CCDC63: variants seen among roughly 807,000 people sequenced by gnomAD.
The protein encoded by CCDC63 is coiled-coil domain containing 63.
CCDC63 carries 54 observed loss-of-function variants against 63.6 expected under a neutral mutation model. The ratio of observed to expected loss-of-function variants is 0.85; its 90% confidence interval spans 0.68 to 1.07. The LOEUF (loss-of-function observed/expected upper bound fraction) is 1.07, where lower values mean the gene tolerates loss of function less well. Among genes scored for constraint, CCDC63 ranks in the 50% least tolerant of loss-of-function variants. The pLI, the probability that CCDC63 is intolerant of heterozygous loss-of-function variation, is 0.00. For missense variants in CCDC63, 637 were observed against 689.6 expected, an observed-to-expected ratio of 0.92 and a Z score of 0.86; for synonymous variants, 253 against 266.1, an observed-to-expected ratio of 0.95 and a Z score of 0.48.
chr12:110,899,049 C>T lies in CCDC63; in HGVS notation c.1266C>T (p.Asn422=), dbSNP rs2071450925. ...NSVEKLFKKI[N]CDATKILVQL... is the part of the protein sequence containing the mutation. Reference sequence around the variant, plus strand: ...TGGAGAAACTGTTCAAGAAGATAAACTGTGACGCCACCAAGATCCTGGTGC... The same window carrying T: ...TGGAGAAACTGTTCAAGAAGATAAATTGTGACGCCACCAAGATCCTGGTGC... Residue 422 remains asparagine (N), a synonymous_variant, in exon 10 of 12, where the codon AAC becomes AAT. Transcript: ENST00000308208. 6.2e-7 allele frequency: 1 copy of T among 1,613,800 alleles called. No homozygotes were observed. Among genetic ancestry groups the T allele is most frequent in the African/African-American group, 1.3e-5 (1 of 75,014 alleles).
chr12:110,853,566 G>T lies in CCDC63; in HGVS notation c.171G>T (p.Ala57=). 2 of 1,614,196 alleles carry T rather than the reference G, an allele frequency of 1.2e-6. No individual in the cohort carries two copies. Among genetic ancestry groups the T allele is most frequent in the African/African-American group, 2.7e-5 (2 of 75,054 alleles). The change falls in exon 3 of 12, where the codon GCG becomes GCT. Residue 57 remains alanine (A), a synonymous_variant. Coordinates refer to ENST00000308208, the MANE Select transcript of CCDC63 (RefSeq NM_152591.3). ...SFKFRNQQKI[A]SQYKEIKTLK... ...AGTTCCGAAACCAGCAGAAGATTGC[G>T]AGTCAGTAGTAAGTGATGGTTGGAG... is the stretch of plus-strand genomic sequence containing the variant.
intron 11 of CCDC63, among the ~76,000 whole-genome samples, chr12:110,905,685 TG>T (rs2071550690): frequency 6.6e-6 from 1 of 150,478 alleles, no homozygotes; most frequent in Non-Finnish European, 1.5e-5. Context: ...AAGATGCCCT[TG>T]ATATTAAGAC....
rs749992228 is a variant in CCDC63, at chr12:110,907,440, G to A, written c.1656G>A (p.Val552=). The change falls in exon 12 of 12, where the codon GTG becomes GTA. Residue 552 remains valine, a synonymous_variant. Coordinates refer to ENST00000308208, the MANE Select transcript of CCDC63 (RefSeq NM_152591.3). The surrounding 1 kb of genome is among the most constrained non-coding windows in gnomAD (Gnocchi z 4.4). ...EVRGDSLPEK[V]DDFRSRKKVT... ...GCGGAGACAGCCTGCCTGAGAAGGT[G>A]GATGACTTCAGATCCAGGAAGAAAG... 6.8e-6 allele frequency: 11 copies of A among 1,614,062 alleles called. No individual in the cohort carries two copies. Among genetic ancestry groups the A allele is most frequent in the Admixed American group, 5.0e-5 (3 of 60,006 alleles).
chr12:110,892,162 C>T (rs2136723235), intron 8 of CCDC63, among the ~76,000 whole-genome samples: 1 of 152,314 alleles, frequency 6.6e-6, no homozygotes, highest in African/African-American at 2.4e-5. Context: ...TGAGAGTATG[C>T]TCAGGTTTGA....
At chr12:110,881,786 C>T (rs1182219411) in intron 7 of CCDC63, among the ~76,000 whole-genome samples, 2 of 152,054 alleles carry the variant, frequency 1.3e-5, no homozygotes, top group East Asian at 1.9e-4. Flanking sequence ...ATAACTATGT[C>T]TCATGCAGCA....
At chr12:110,853,911 T>C (rs2070737515) in intron 3 of CCDC63, among the ~76,000 whole-genome samples, 1 of 152,200 alleles carries the variant, frequency 6.6e-6, no homozygotes, top group Non-Finnish European at 1.5e-5. Flanking sequence ...CTCTCTGAAT[T>C]TCAGCCTCAG....
intron 8 of CCDC63, among the ~76,000 whole-genome samples, chr12:110,884,844 G>A (rs1015956327): frequency 1.7e-4 from 23 of 138,314 alleles, no homozygotes; most frequent in African/African-American, 6.3e-4. Context: ...CCGCCACGAC[G>A]CCCTGCTATT....
chr12:110,864,921 A>G (rs79292520), intron 4 of CCDC63, among the ~76,000 whole-genome samples: 1,788 of 152,212 alleles, frequency 0.012, 45 homozygotes, highest in African/African-American at 0.041. Context: ...GTTGGGTGTT[A>G]TCCTTTGGCT....
chr12:110,854,559 T>C (rs2070748107), intron 3 of CCDC63, among the ~76,000 whole-genome samples: 1 of 152,090 alleles, frequency 6.6e-6, no homozygotes, highest in African/African-American at 2.4e-5. Flanking sequence ...CCTCCTAAAG[T>C]GCTGGGATTA....
chr12:110,906,047 T>C (rs1218994374), intron 11 of CCDC63, among the ~76,000 whole-genome samples: 31 of 69,994 alleles, frequency 4.4e-4, no homozygotes, highest in African/African-American at 2.0e-3. Context: ...ATATAATATA[T>C]AATATATATA....
chr12:110,899,289 T>C (rs1031754054), intron 10 of CCDC63, among the ~76,000 whole-genome samples, 164 bp downstream of exon 10: 6 of 152,126 alleles, frequency 3.9e-5, no homozygotes, highest in African/African-American at 7.2e-5. Flanking sequence ...ACTTACCAGC[T>C]CTGGAGCCTT....
chr12:110,854,963 T>A (rs2070752881), intron 3 of CCDC63, among the ~76,000 whole-genome samples: 1 of 151,988 alleles, frequency 6.6e-6, no homozygotes, highest in Non-Finnish European at 1.5e-5. Flanking sequence ...CACGCCTGGC[T>A]AATTTTTTGT....
At chr12:110,895,800 A>G (rs1009247861) in intron 9 of CCDC63, among the ~76,000 whole-genome samples, 18 of 152,204 alleles carry the variant, frequency 1.2e-4, no homozygotes, top group African/African-American at 4.1e-4. Flanking sequence ...AGCTATTATT[A>G]TTGTTGTTGT....
At position 110,896,143 on chromosome 12, in the gene CCDC63, AATTT is replaced by A. The variant is rs149021839; in HGVS notation, c.1150-2781_1150-2778del. Reference sequence around the variant, plus strand: ...ATTTTCTTAAATGCACTTTTATTATAATTTATTTATTTTTTGAGACAGAGTCTTG... The same window carrying A: ...ATTTTCTTAAATGCACTTTTATTATAATTTATTTTTTGAGACAGAGTCTTG... On this transcript the variant is annotated intron_variant, in intron 9 of 11. Transcript: ENST00000308208. Among the ~76,000 whole-genome samples, 1,037 of 152,018 alleles carry A rather than the reference AATTT, an allele frequency of 6.8e-3. 63 individuals are homozygous for A. The East Asian group carries it at 0.15, about 23-fold the overall frequency.
At chr12:110,906,635 GCA>G (rs1266215404) in intron 11 of CCDC63, among the ~76,000 whole-genome samples, 1 of 151,392 alleles carries the variant, frequency 6.6e-6, no homozygotes, top group Non-Finnish European at 1.5e-5. Flanking sequence ...AAGCACACGT[GCA>G]CACACACACA....
chr12:110,879,354 T>A (rs2071170089), intron 5 of CCDC63, among the ~76,000 whole-genome samples: 1 of 152,226 alleles, frequency 6.6e-6, no homozygotes, highest in African/African-American at 2.4e-5. Flanking sequence ...TTGGTTGTCA[T>A]AACAGAGTTG....
At chr12:110,905,149 C>T (rs2071542381) in intron 11 of CCDC63, among the ~76,000 whole-genome samples, 1 of 152,158 alleles carries the variant, frequency 6.6e-6, no homozygotes, top group Non-Finnish European at 1.5e-5. Flanking sequence ...GACTCAGTGT[C>T]TCATGCTCAC....
intron 7 of CCDC63, among the ~76,000 whole-genome samples, chr12:110,881,807 A>C (rs1242635338): frequency 6.6e-6 from 1 of 152,254 alleles, no homozygotes; most frequent in African/African-American, 2.4e-5. Context: ...TTTGGGACAT[A>C]CTTATGATAA....
intron 5 of CCDC63, among the ~76,000 whole-genome samples, chr12:110,876,877 T>TCC (rs1352364621): frequency 5.7e-5 from 4 of 70,498 alleles, no homozygotes; most frequent in Non-Finnish European, 1.2e-4. Context: ...CTACTAAAAA[T>TCC]ACAAAAAAAA....
Sources: allele counts gnomAD v4.1 joint callset (sites outside exome capture counted in the v4.1 genomes callset), GRCh38; gene constraint gnomAD v4.1.1; non-coding constraint Gnocchi (gnomAD v3.1); transcripts MANE v1.5; gene names NCBI Gene and HGNC (gene_info 2026-07-23, HGNC 2026-07-21).